ERP44: variants seen among roughly 807,000 people sequenced by gnomAD.
The protein encoded by ERP44 is endoplasmic reticulum resident protein 44.
A neutral mutation model predicts 53.4 loss-of-function variants in ERP44; 25 were observed. That is an observed-to-expected ratio of 0.47 (90% CI 0.34 to 0.65). The LOEUF is 0.65. Among genes scored for constraint, ERP44 ranks in the 30% least tolerant of loss-of-function variants. ERP44 has a pLI of 0.01. For synonymous variants in ERP44, 145 were observed against 161.2 expected (o/e 0.90, Z 0.76); for missense variants, 338 against 493.2 (o/e 0.69, Z 2.98).
At chr9:100,014,939 A>C (rs750776501) in intron 8 of ERP44, among the ~76,000 whole-genome samples, 10 of 152,228 alleles carry the variant, frequency 6.6e-5, no homozygotes, top group Non-Finnish European at 1.0e-4. Flanking sequence ...GGGTGCCAGC[A>C]TGGTCAGTTC....
intron 1 of ERP44, among the ~76,000 whole-genome samples, chr9:100,093,653 A>T (rs563331790): frequency 1.3e-5 from 2 of 151,664 alleles, no homozygotes; most frequent in Non-Finnish European, 2.9e-5. Context: ...TGGGGGGGGA[A>T]AAAAAAAGAA....
At chr9:99,994,770 T>C (rs1280763452) in intron 10 of ERP44, among the ~76,000 whole-genome samples, 1 of 152,218 alleles carries the variant, frequency 6.6e-6, no homozygotes, top group Non-Finnish European at 1.5e-5. Flanking sequence ...CTTAGATTTA[T>C]ATTGTGTCTT....
At chr9:100,048,923 A>G (rs531998439) in intron 4 of ERP44, among the ~76,000 whole-genome samples, 3 of 151,836 alleles carry the variant, frequency 2.0e-5, no homozygotes, top group African/African-American at 4.8e-5. Flanking sequence ...TGCAAGATGA[A>G]GAACTGGAGA....
intron 3 of ERP44, 34 bp downstream of exon 3, chr9:100,057,786 A>T: frequency 6.4e-7 from 1 of 1,570,112 alleles, no homozygotes; most frequent in Non-Finnish European, 8.7e-7. Flanking sequence ...AGCAAGTAAA[A>T]ACAAAACCAA....
intron 6 of ERP44, 49 bp from the exon 7 acceptor site, chr9:100,018,362 A>G: frequency 9.0e-7 from 1 of 1,113,920 alleles, no homozygotes; most frequent in South Asian, 1.2e-5. Flanking sequence ...GAATTTTGCA[A>G]TGTAGGAATT....
chr9:100,041,785 C>G (rs1050905283), intron 4 of ERP44, among the ~76,000 whole-genome samples: 1 of 152,118 alleles, frequency 6.6e-6, no homozygotes, highest in African/African-American at 2.4e-5. Flanking sequence ...GACAAAGGTT[C>G]CAAGAACACA....
At chr9:99,984,688 T>C (rs577192640) in intron 11 of ERP44, among the ~76,000 whole-genome samples, 64 of 152,366 alleles carry the variant, frequency 4.2e-4, no homozygotes, top group African/African-American at 1.4e-3. Context: ...CTATTCCCAT[T>C]TGAAGCCAAC....
intron 4 of ERP44, among the ~76,000 whole-genome samples, chr9:100,023,026 T>C (rs1212001767): frequency 6.6e-6 from 1 of 152,184 alleles, no homozygotes; most frequent in Non-Finnish European, 1.5e-5. Context: ...GAAGAATGCT[T>C]TATTCATCAA....
At chr9:100,029,011 A>C (rs1825742029) in intron 4 of ERP44, among the ~76,000 whole-genome samples, 1 of 152,204 alleles carries the variant, frequency 6.6e-6, no homozygotes, top group Non-Finnish European at 1.5e-5. Context: ...CCTATCTCTC[A>C]CCATAAACAA....
intron 4 of ERP44, among the ~76,000 whole-genome samples, chr9:100,035,803 T>C (rs955442619): frequency 6.6e-6 from 1 of 152,118 alleles, no homozygotes; most frequent in Non-Finnish European, 1.5e-5. Flanking sequence ...AAATGCTTAT[T>C]ATCGCTAATC....
chr9:100,014,475 G>C (rs1424585642), intron 8 of ERP44, among the ~76,000 whole-genome samples: 2 of 152,054 alleles, frequency 1.3e-5, no homozygotes, highest in African/African-American at 4.8e-5. Context: ...GTAGAGACGG[G>C]GGTTTCACCA....
chr9:100,068,706 G>GA (rs1316090010), intron 1 of ERP44, among the ~76,000 whole-genome samples: 2 of 147,706 alleles, frequency 1.4e-5, no homozygotes, highest in Non-Finnish European at 3.0e-5. Context: ...CCCCGTCCGG[G>GA]AGGTGAGGGG....
chr9:100,088,120 C>T (rs1321737746), intron 1 of ERP44, among the ~76,000 whole-genome samples: 1 of 152,118 alleles, frequency 6.6e-6, no homozygotes. Flanking sequence ...TAATATCAGC[C>T]ACCCAGTTAG....
chr9:100,032,820 A>C (rs187870955), intron 4 of ERP44, among the ~76,000 whole-genome samples: 84 of 152,294 alleles, frequency 5.5e-4, no homozygotes, highest in Non-Finnish European at 1.0e-3. Flanking sequence ...CAGGTTTCTG[A>C]TCTTTGGAGA....
At chr9:100,003,263 T>C (rs1830396153) in intron 10 of ERP44, among the ~76,000 whole-genome samples, 1 of 152,252 alleles carries the variant, frequency 6.6e-6, no homozygotes. Context: ...AAACAATTAT[T>C]CTGAATTCTT....
At chr9:100,024,504 CA>C (rs140666501) in intron 4 of ERP44, among the ~76,000 whole-genome samples, 7 of 141,512 alleles carry the variant, frequency 4.9e-5, no homozygotes, top group East Asian at 2.0e-4. Flanking sequence ...CCTCTACCCA[CA>C]AAAAAAAAAC....
At chr9:100,076,790 G>A (rs1564104309) in intron 1 of ERP44, among the ~76,000 whole-genome samples, 4 of 152,196 alleles carry the variant, frequency 2.6e-5, no homozygotes, top group Admixed American at 2.6e-4. Context: ...CGGCAGAGGA[G>A]GATTTTAATA....
chr9:100,069,212 T>C (rs920818185), intron 1 of ERP44, among the ~76,000 whole-genome samples: 2 of 151,718 alleles, frequency 1.3e-5, no homozygotes, highest in Non-Finnish European at 2.9e-5. Flanking sequence ...CTTGTTTATC[T>C]GCTGACCCTC....
intron 10 of ERP44, among the ~76,000 whole-genome samples, chr9:99,993,242 C>T (rs867395042): frequency 4.2e-4 from 64 of 152,156 alleles, no homozygotes; most frequent in Non-Finnish European, 8.4e-4. Context: ...GGAGGCATCA[C>T]GCTACCTGAC....
Sources: allele counts gnomAD v4.1 joint callset (sites outside exome capture counted in the v4.1 genomes callset), GRCh38; gene constraint gnomAD v4.1.1; transcripts MANE v1.5; gene names NCBI Gene and HGNC (gene_info 2026-07-23, HGNC 2026-07-21).